The following KLHDC4 variants were observed in gnomAD, a reference collection of about 807,000 sequenced individuals.
KLHDC4 encodes the protein kelch domain containing 4, also known as kelch domain-containing protein 4.
KLHDC4 carries 90 observed loss-of-function variants against 62.4 expected under a neutral mutation model. That is an observed-to-expected ratio of 1.44 (90% CI 1.22 to 1.72). KLHDC4 has a LOEUF of 1.72. KLHDC4 is among the 40% of genes most tolerant of loss of function. KLHDC4 has a pLI of 0.00. For missense variants in KLHDC4, 1,025 were observed against 699.7 expected (o/e 1.47, Z -5.25); for synonymous variants, 386 against 284.4 (o/e 1.36, Z -3.59).
chr16:87,719,854 A>C (rs571167145), intron 7 of KLHDC4, among the ~76,000 whole-genome samples: 214 of 152,314 alleles, frequency 1.4e-3, no homozygotes, highest in Middle Eastern at 3.4e-3. Flanking sequence ...ATTACTTAGC[A>C]TCCGGCTGAG....
chr16:87,726,707 C>G (rs1425435581), intron 7 of KLHDC4, 58 bp downstream of exon 7: 1 of 1,335,614 alleles, frequency 7.5e-7, no homozygotes, highest in Non-Finnish European at 9.7e-7. Context: ...CTCCCCACCC[C>G]GCGCCTCGCC....
At chr16:87,709,820 GTGCAGGCACTGGGC>G in intron 9 of KLHDC4, 153 bp from the exon 10 acceptor site, 1 of 870,886 alleles carries the variant, frequency 1.1e-6, no homozygotes, top group East Asian at 2.7e-5. Context: ...ACTGCCCTGG[GTGCAGGCACTGGGC>G]TGCAGGAGCA....
At chr16:87,724,722 T>G (rs2039033511) in intron 7 of KLHDC4, among the ~76,000 whole-genome samples, 1 of 152,104 alleles carries the variant, frequency 6.6e-6, no homozygotes, top group African/African-American at 2.4e-5. Flanking sequence ...CCCCAACATT[T>G]CCAGCACAAG....
intron 5 of KLHDC4, among the ~76,000 whole-genome samples, chr16:87,736,525 A>G (rs2041343220): frequency 6.6e-6 from 1 of 152,152 alleles, no homozygotes; most frequent in African/African-American, 2.4e-5. Flanking sequence ...AGCCGTGTGC[A>G]TGCACCTCCC....
At chr16:87,760,590 G>A (rs1444066487) in intron 2 of KLHDC4, among the ~76,000 whole-genome samples, 1 of 132,590 alleles carries the variant, frequency 7.5e-6, no homozygotes, top group Non-Finnish European at 1.6e-5. Context: ...CTGGGTGACA[G>A]AGTGAGACTC....
intron 8 of KLHDC4, among the ~76,000 whole-genome samples, chr16:87,712,898 C>G (rs1466781618): frequency 1.3e-5 from 2 of 152,226 alleles, no homozygotes; most frequent in Admixed American, 6.5e-5. Flanking sequence ...AAGCCACAGC[C>G]TCCCATAAGA....
intron 7 of KLHDC4, among the ~76,000 whole-genome samples, chr16:87,723,317 C>T (rs1361174746): frequency 6.6e-6 from 1 of 152,262 alleles, no homozygotes; most frequent in Non-Finnish European, 1.5e-5. Context: ...AGGCTCAGAG[C>T]CAAGAGCTAC....
chr16:87,762,037 C>A lies in KLHDC4; in HGVS notation c.103G>T (p.Asp35Tyr). The A allele has an allele frequency of 1.2e-6, 2 of 1,613,450 alleles. No individual in the cohort carries two copies. Among genetic ancestry groups the A allele is most frequent in the Non-Finnish European group, 1.7e-6 (2 of 1,179,710 alleles). ...VSKRSRKEEEDLEALIAHFQT... is the reference protein window; with the variant it reads ...VSKRSRKEEEYLEALIAHFQT... ...AAATGGGCTATGAGCGCTTCCAGGT[C>A]TTCCTAGGGCAAGCAAGCAGGCACA... The change falls in exon 2 of 12, where the codon GAC becomes TAC. Residue 35 changes from aspartate to tyrosine, a missense_variant. Physicochemically the swap from Asp to Tyr is radical, Grantham distance 160. Transcript: ENST00000270583.
At chr16:87,734,098 G>C (rs1323870632) in intron 5 of KLHDC4, among the ~76,000 whole-genome samples, 2 of 152,242 alleles carry the variant, frequency 1.3e-5, no homozygotes, top group Non-Finnish European at 2.9e-5. Context: ...GTCATCCCCA[G>C]CACTTTGAGA....
At chr16:87,701,859 C>A (rs779424575) in exon 1 of KLHDC4, 1 of 456,638 alleles carries the variant, frequency 2.2e-6, no homozygotes, top group Non-Finnish European at 4.4e-6. Flanking sequence ...CCATCCACAC[C>A]GAGGAAGCCT....
At chr16:87,716,565 C>G (rs1345449620) in intron 7 of KLHDC4, among the ~76,000 whole-genome samples, 2 of 152,156 alleles carry the variant, frequency 1.3e-5, no homozygotes, top group African/African-American at 4.8e-5. Flanking sequence ...TATATACTCC[C>G]TGCTCGGCCC....
At chr16:87,711,115 T>C in intron 9 of KLHDC4, 120 bp downstream of exon 9, 1 of 933,156 alleles carries the variant, frequency 1.1e-6, no homozygotes. Flanking sequence ...TCGCCCCTCT[T>C]GAGAGAGCTC....
At chr16:87,764,655 A>G (rs2046353747) in intron 1 of KLHDC4, among the ~76,000 whole-genome samples, 1 of 140,530 alleles carries the variant, frequency 7.1e-6, no homozygotes, top group Non-Finnish European at 1.5e-5. Context: ...TCAAAAAAAA[A>G]AAAAAAAAAA....
At chr16:87,751,928 A>C (rs77594833) in intron 4 of KLHDC4, among the ~76,000 whole-genome samples, 31,777 of 150,720 alleles carry the variant, frequency 0.21, 3,525 homozygotes, top group South Asian at 0.3. Flanking sequence ...TAAAAAAATT[A>C]GCCAGGCACG....
Position 87,748,825 on chromosome 16 carries a change from T to C in KLHDC4, c.370-16A>G. On this transcript the variant is annotated splice_polypyrimidine_tract_variant and intron_variant, in intron 4 of 11. Coordinates refer to ENST00000270583, the MANE Select transcript of KLHDC4 (RefSeq NM_017566.4). ...CTACCACCGCCTGTGAAAAGAAAGG[T>C]GACAGGTCAGGGCACAGCCACACAG... The C allele has an allele frequency of 6.2e-7, 1 of 1,610,928 alleles. No homozygotes were observed. The highest frequency in any genetic ancestry group is 8.5e-7 in the Non-Finnish European group (1 of 1,179,366).
chr16:87,726,997 T>A, intron 6 of KLHDC4, 73 bp from the exon 7 acceptor site: 1 of 1,512,176 alleles, frequency 6.6e-7, no homozygotes, highest in Non-Finnish European at 9.1e-7. Context: ...CTGAACTGAT[T>A]TAAATTAAAG....
At chr16:87,752,487 C>T (rs370155795) in intron 4 of KLHDC4, among the ~76,000 whole-genome samples, 4 of 152,076 alleles carry the variant, frequency 2.6e-5, no homozygotes, top group African/African-American at 9.6e-5. Flanking sequence ...CAGGCACGCG[C>T]CACGACGCCC....
At chr16:87,727,167 G>C (rs973590260) in intron 6 of KLHDC4, among the ~76,000 whole-genome samples, 4 of 109,310 alleles carry the variant, frequency 3.7e-5, no homozygotes, top group Non-Finnish European at 7.6e-5. Flanking sequence ...TCTACCTGGA[G>C]ACAGGGCAAC....
At chr16:87,722,957 G>C (rs79567338) in intron 7 of KLHDC4, among the ~76,000 whole-genome samples, 10,041 of 152,324 alleles carry the variant, frequency 0.066, 478 homozygotes, top group Middle Eastern at 0.12. Context: ...GGGCCTGCGT[G>C]GGAGAGAGGC....
Sources: allele counts gnomAD v4.1 joint callset (sites outside exome capture counted in the v4.1 genomes callset), GRCh38; gene constraint gnomAD v4.1.1; transcripts MANE v1.5; gene names NCBI Gene and HGNC (gene_info 2026-07-23, HGNC 2026-07-21).